The following CEP112 variants were observed in gnomAD, a reference collection of about 807,000 sequenced individuals.
CEP112 encodes centrosomal protein of 112 kDa.
CEP112 carries 127 observed loss-of-function variants against 153.0 expected under a neutral mutation model. The ratio of observed to expected loss-of-function variants is 0.83; its 90% CI spans 0.72 to 0.96. The LOEUF (loss-of-function observed/expected upper bound fraction) is 0.96, where lower values mean the gene tolerates loss of function less well. Ranked by LOEUF, CEP112 falls within the 40% of genes least tolerant of loss-of-function variation. The probability of loss-of-function intolerance (pLI) is 0.00; values close to 1 mark genes in which losing one functional copy is unlikely to be tolerated. For missense variants in CEP112, 1,089 were observed against 1,101.2 expected (o/e 0.99, Z 0.16); for synonymous variants, 358 against 374.4 (o/e 0.96, Z 0.51).
intron 21 of CEP112, among the ~76,000 whole-genome samples, chr17:65,782,452 A>C (rs1352777838): frequency 2.6e-5 from 4 of 152,200 alleles, no homozygotes; most frequent in Non-Finnish European, 4.4e-5. Flanking sequence ...AGAACTAAAA[A>C]TGGAACTACC....
At chr17:66,160,225 C>T (rs2071641278) in intron 4 of CEP112, among the ~76,000 whole-genome samples, 1 of 152,164 alleles carries the variant, frequency 6.6e-6, no homozygotes, top group African/African-American at 2.4e-5. Flanking sequence ...AGTCCATGCT[C>T]ATGGATAGGA....
chr17:66,191,873 G>A lies in CEP112; in HGVS notation c.-9+124C>T, dbSNP rs1290971375. On this transcript the variant is annotated intron_variant, in intron 1 of 26. Coordinates refer to ENST00000535342, the MANE Select transcript of CEP112 (RefSeq NM_001199165.4). The surrounding 1 kb of genome is among the most constrained non-coding windows in gnomAD (Gnocchi z 4.2). ...CCCAGGCCCGGAGAACGGGCCCAGGGCCTGAGGGCGACGCCCCTTCCCGAA... is the reference window on the plus strand; with the variant it reads ...CCCAGGCCCGGAGAACGGGCCCAGGACCTGAGGGCGACGCCCCTTCCCGAA... 3.3e-5 allele frequency: 5 copies of A among 152,164 alleles called. No individual in the cohort carries two copies. The highest frequency in any genetic ancestry group is 9.7e-5 in the African/African-American group (4 of 41,410). 9.4% of individuals were successfully genotyped at this position (152,164 alleles called of 1,614,324 possible). A position where few individuals can be genotyped will look rare whatever the true frequency, so the allele number is the denominator to read the frequency against.
chr17:66,186,093 C>A (rs1481687089), intron 1 of CEP112, among the ~76,000 whole-genome samples: 1 of 151,974 alleles, frequency 6.6e-6, no homozygotes, highest in African/African-American at 2.4e-5. Context: ...ACTTTCTCCA[C>A]TCAACCATGC....
chr17:66,005,693 A>C lies in CEP112; in HGVS notation c.1733T>G (p.Leu578Trp). The C allele has an allele frequency of 6.2e-7, 1 of 1,608,530 alleles. No homozygotes were observed. Among genetic ancestry groups the C allele is most frequent in the South Asian group, 1.1e-5 (1 of 90,074 alleles). ...AATGCATTACAATTTTACTCACTTC[A>C]AAGCTTCCTCAAATTTATGAATTTT... The part of the protein sequence containing the change: ...QKKIHKFEEA[L>W]KEKEEQLTRV... Residue 578 changes from leucine to tryptophan, a missense_variant, in exon 17 of 27, where the codon TTG becomes TGG. Transcript: ENST00000535342.
rs746694638 is a variant in CEP112 at position 66,176,884 on chromosome 17, G to T, written c.243C>A (p.Gly81=). The change falls in exon 3 of 27, where the codon GGC becomes GGA. Residue 81 remains glycine (G), a synonymous_variant. Transcript: ENST00000535342. ...LHMLKRGALE[G]PFTHRPEPGT... Reference sequence around the variant, plus strand: ...CGGGTTCAGGTCGGTGTGTAAAAGGGCCTTCAAGCGCACCTCGTTTAAGCA... The same window carrying T: ...CGGGTTCAGGTCGGTGTGTAAAAGGTCCTTCAAGCGCACCTCGTTTAAGCA... 1.7e-5 allele frequency: 28 copies of T among 1,613,522 alleles called. No individual in the cohort carries two copies. In the African/African-American group the frequency reaches 3.7e-4, roughly 22 times the overall value.
chr17:66,038,959 AT>A (rs1372831792), intron 12 of CEP112, among the ~76,000 whole-genome samples: 1 of 152,182 alleles, frequency 6.6e-6, no homozygotes, highest in Non-Finnish European at 1.5e-5. Flanking sequence ...CCAGGACTCA[AT>A]TGGTAGCTGT....
At chr17:65,772,575 TACACACACACACACACACACAC>T (rs34758953) in intron 21 of CEP112, among the ~76,000 whole-genome samples, 1 of 133,412 alleles carries the variant, frequency 7.5e-6, no homozygotes, top group Non-Finnish European at 1.5e-5. Context: ...CTCTATTTAT[TACACACACACACACACACACAC>T]ACACACACAC....
intron 17 of CEP112, among the ~76,000 whole-genome samples, chr17:65,985,211 C>T (rs111627771): frequency 1.3e-4 from 20 of 152,096 alleles, no homozygotes; most frequent in African/African-American, 4.6e-4. Flanking sequence ...TTGAAAGGAC[C>T]AATGTAGTTA....
In CEP112 at chr17:65,647,734, C is replaced by T. The variant is rs565270195; in HGVS notation, c.2698-6669G>A. On this transcript the variant is annotated intron_variant, in intron 24 of 26. Transcript: ENST00000535342. ...CTGGGCTCAAGTGATCCTCATGCCT[C>T]GGCCTCCCAAAGTGCTAAGATGATA... 1.5e-4 allele frequency among the ~76,000 whole-genome samples: 23 copies of T among 151,538 alleles called. No individual in the cohort carries two copies. In the South Asian group the frequency reaches 3.6e-3, roughly 23 times the overall value.
chr17:65,812,470 C>T (rs1022184235), intron 21 of CEP112, among the ~76,000 whole-genome samples: 7 of 152,144 alleles, frequency 4.6e-5, no homozygotes, highest in South Asian at 2.1e-4. Context: ...TGCTCCAAAA[C>T]GACCCTAAGA....
In CEP112 at chr17:65,655,019, G is replaced by C. The variant is rs372261120; in HGVS notation, c.2698-13954C>G. On this transcript the variant is annotated intron_variant, in intron 24 of 26. Transcript: ENST00000535342. The stretch of plus-strand genomic sequence containing the variant: ...AGAAGAACAGGCCCTTATCATAAAT[G>C]CTTCCTCGGATAGTATCACTCTTGA... 58 of 685,972 alleles carry C rather than the reference G, an allele frequency of 8.5e-5. No homozygotes were observed. In the East Asian group the frequency reaches 2.1e-3, roughly 25 times the overall value. 42.5% of individuals were successfully genotyped at this position (685,972 alleles called of 1,614,324 possible).
At chr17:65,847,712 G>A (rs377752204) in intron 21 of CEP112, among the ~76,000 whole-genome samples, 62 of 152,256 alleles carry the variant, frequency 4.1e-4, no homozygotes, top group Middle Eastern at 3.4e-3. Context: ...GGAAACAAGC[G>A]AACAAATAAA....
At chr17:65,673,109 T>G (rs978417891) in intron 24 of CEP112, among the ~76,000 whole-genome samples, 1 of 152,162 alleles carries the variant, frequency 6.6e-6, no homozygotes, top group Non-Finnish European at 1.5e-5. Context: ...TGGGCTCTTA[T>G]CTGGAGGCTC....
intron 23 of CEP112, among the ~76,000 whole-genome samples, chr17:65,706,911 T>A (rs959598861): frequency 2.0e-5 from 3 of 152,208 alleles, no homozygotes; most frequent in Admixed American, 2.0e-4. Context: ...ACAGTACCAC[T>A]ACCACCCACA....
chr17:65,734,806 A>T (rs1236519480), intron 23 of CEP112, among the ~76,000 whole-genome samples: 1 of 152,194 alleles, frequency 6.6e-6, no homozygotes, highest in Non-Finnish European at 1.5e-5. Context: ...TATTTTTGTT[A>T]ATATGCCAAA....
intron 13 of CEP112, 48 bp from the exon 14 acceptor site, chr17:66,029,300 C>G (rs939955348): frequency 6.5e-7 from 1 of 1,527,162 alleles, no homozygotes; most frequent in Admixed American, 2.1e-5. Context: ...TAAAACCAAT[C>G]TCTAAAATGA....
intron 12 of CEP112, among the ~76,000 whole-genome samples, chr17:66,053,473 T>A (rs1272620942): frequency 6.6e-6 from 1 of 150,892 alleles, no homozygotes; most frequent in Non-Finnish European, 1.5e-5. Flanking sequence ...GGTGACAGGG[T>A]GAGACTCCGT....
At chr17:65,680,441 T>C (rs879645143) in intron 24 of CEP112, among the ~76,000 whole-genome samples, 1 of 152,152 alleles carries the variant, frequency 6.6e-6, no homozygotes, top group Non-Finnish European at 1.5e-5. Flanking sequence ...TGGCCTGTGA[T>C]GCTGCTAATT....
At chr17:65,752,717 G>T (rs2051962133) in intron 21 of CEP112, among the ~76,000 whole-genome samples, 1 of 152,168 alleles carries the variant, frequency 6.6e-6, no homozygotes, top group Non-Finnish European at 1.5e-5. Context: ...CCACAGGAAA[G>T]ATCTTGCTGC....
Sources: gnomAD v4.1 joint callset for allele counts (sites outside exome capture counted in the v4.1 genomes callset) on GRCh38, gnomAD v4.1.1 for gene constraint, Gnocchi (gnomAD v3.1) non-coding constraint, MANE v1.5 for transcripts, NCBI Gene and HGNC (gene_info 2026-07-23, HGNC 2026-07-21) for gene names.